SNRNP27: variants seen among roughly 807,000 people sequenced by gnomAD.
SNRNP27 encodes the protein small nuclear ribonucleoprotein U4/U6.U5 subunit 27.
A neutral mutation model predicts 25.1 loss-of-function variants in SNRNP27; 22 were observed. The ratio of observed to expected loss-of-function variants is 0.88; its 90% CI spans 0.63 to 1.25. SNRNP27 has a LOEUF of 1.25. Ranked by LOEUF, SNRNP27 falls within the 50% of genes most tolerant of loss-of-function variation. SNRNP27 has a pLI of 0.00. For missense variants in SNRNP27, 150 were observed against 202.3 expected (o/e 0.74, Z 1.57); for synonymous variants, 66 against 64.9 (o/e 1.02, Z -0.08).
At chr2:69,894,777 G>A (rs6714919) in intron 1 of SNRNP27, among the ~76,000 whole-genome samples, 46,909 of 151,900 alleles carry the variant, frequency 0.31, 7,946 homozygotes, top group African/African-American at 0.45. Flanking sequence ...CACCTCCTGG[G>A]TTCAAGCGAT....
intron 4 of SNRNP27, among the ~76,000 whole-genome samples, chr2:69,901,884 G>T (rs1432800945): frequency 6.6e-6 from 1 of 152,126 alleles, no homozygotes; most frequent in Non-Finnish European, 1.5e-5. Flanking sequence ...GGATTTAGAT[G>T]AATGGCAACC....
Position 69,895,101 on chromosome 2 carries a change from G to A in SNRNP27, c.42G>A (p.Arg14=). The change falls in exon 2 of 6, where the codon AGG becomes AGA. Residue 14 remains arginine, a synonymous_variant. Coordinates refer to ENST00000244227, the MANE Select transcript of SNRNP27 (RefSeq NM_006857.3). ...TGTGTGCGTTTGCATTAGAACGTAG[G>A]CGTTCCCGGTCCACATCCCGGGAGA... ...SRSRSPRRER[R]RSRSTSRERE... 1 of 1,613,136 alleles carries A rather than the reference G, an allele frequency of 6.2e-7. No homozygotes were observed. Among genetic ancestry groups the A allele is most frequent in the Non-Finnish European group, 8.5e-7 (1 of 1,179,864 alleles).
At chr2:69,895,049 T>G in intron 1 of SNRNP27, 45 bp from the exon 2 acceptor site, 1 of 1,608,468 alleles carries the variant, frequency 6.2e-7, no homozygotes, top group South Asian at 1.1e-5. Context: ...GCTCTAGATA[T>G]TTGAGGTAAT....
intron 4 of SNRNP27, among the ~76,000 whole-genome samples, chr2:69,902,356 G>A (rs545722111): frequency 1.3e-5 from 2 of 150,072 alleles, no homozygotes; most frequent in African/African-American, 2.5e-5. Context: ...TGCTCTTGCT[G>A]CTGCTTCTGT....
In SNRNP27 at chr2:69,899,824, G is replaced by T. The variant is rs893476226; in HGVS notation, c.348+2368G>T. ...GGCTCACTGCAGCCTGACCTCCTGGGCTGAAGCAATTTCCCTGCCTTAGCC... is the reference window on the plus strand; with the variant it reads ...GGCTCACTGCAGCCTGACCTCCTGGTCTGAAGCAATTTCCCTGCCTTAGCC... On this transcript the variant is annotated intron_variant, in intron 4 of 5. Coordinates refer to ENST00000244227, the MANE Select transcript of SNRNP27 (RefSeq NM_006857.3). Among the ~76,000 whole-genome samples the T allele has an allele frequency of 3.9e-5, 6 of 152,152 alleles. No individual in the cohort carries two copies. The East Asian group carries it at 1.2e-3, about 29-fold the overall frequency.
intron 2 of SNRNP27, among the ~76,000 whole-genome samples, 162 bp from the exon 3 acceptor site, chr2:69,896,274 A>C (rs1558560867): frequency 6.6e-6 from 1 of 152,218 alleles, no homozygotes. Context: ...TACATTAAAA[A>C]ATTTTTTTGT....
rs1210328513 is a variant in SNRNP27, at chr2:69,895,082, C to T, written c.35-12C>T. The T allele has an allele frequency of 1.9e-6, 3 of 1,611,722 alleles. No individual in the cohort carries two copies. The highest frequency in any genetic ancestry group is 1.1e-5 in the South Asian group (1 of 90,902). ...AATTATCAGTTCTGCAATTTGTGTG[C>T]GTTTGCATTAGAACGTAGGCGTTCC... On this transcript the variant is annotated splice_polypyrimidine_tract_variant and intron_variant, in intron 1 of 5. Coordinates refer to ENST00000244227, the MANE Select transcript of SNRNP27 (RefSeq NM_006857.3).
intron 4 of SNRNP27, among the ~76,000 whole-genome samples, chr2:69,900,097 G>A (rs6716937): frequency 0.54 from 81,493 of 151,848 alleles, 23,932 homozygotes; most frequent in African/African-American, 0.79. Context: ...AGCTGGGACT[G>A]TAGCCTCACA....
At position 69,904,275 on chromosome 2, in the gene SNRNP27, T is replaced by C. The variant is rs1190192504; in HGVS notation, c.435T>C (p.Gly145=). Residue 145 remains glycine (G), a synonymous_variant, in exon 6 of 6, where the codon GGT becomes GGC. Transcript: ENST00000244227. The stretch of plus-strand genomic sequence containing the variant: ...ATAGGCAGTACATGAATCGAAAAGG[T>C]GGATTCAACAGACCTTTGGATTTCA... The part of the protein sequence containing the change: ...RKYRQYMNRK[G]GFNRPLDFIA 5 of 1,608,302 alleles carry C rather than the reference T, an allele frequency of 3.1e-6. No homozygotes were observed. Among genetic ancestry groups the C allele is most frequent in the Non-Finnish European group, 4.2e-6 (5 of 1,178,146 alleles).
At chr2:69,896,303 C>T in intron 2 of SNRNP27, 133 bp from the exon 3 acceptor site, 1 of 811,536 alleles carries the variant, frequency 1.2e-6, no homozygotes, top group East Asian at 2.5e-5. Flanking sequence ...AAGGCCTTGG[C>T]AGAACCTTTT....
chr2:69,894,831 G>T (rs1249248531), intron 1 of SNRNP27, among the ~76,000 whole-genome samples: 1 of 152,064 alleles, frequency 6.6e-6, no homozygotes, highest in Non-Finnish European at 1.5e-5. Context: ...ACCCGTCCGT[G>T]CCACCACGCC....
chr2:69,904,129 G>A, intron 5 of SNRNP27, 125 bp from the exon 6 acceptor site: 1 of 573,188 alleles, frequency 1.7e-6, no homozygotes, highest in East Asian at 3.1e-5. Flanking sequence ...ACCTTGAATA[G>A]TTTCTACCCT....
rs111402734 is a variant in SNRNP27 at position 69,897,714 on chromosome 2, G to A, written c.348+258G>A. On this transcript the variant is annotated intron_variant, in intron 4 of 5. Transcript: ENST00000244227. ...AAGAAGAGGAAGAAGATTATTTCAG[G>A]TAGAGGGAAGAGCTCATGAAAATGC... The A allele has an allele frequency of 6.6e-3, 2,565 of 387,020 alleles. 109 individuals are homozygous for A. The South Asian group carries it at 0.069, about 10-fold the overall frequency. 24.0% of individuals were successfully genotyped at this position (387,020 alleles called of 1,614,324 possible).
chr2:69,899,057 G>A (rs1470788131), intron 4 of SNRNP27, among the ~76,000 whole-genome samples: 1 of 152,148 alleles, frequency 6.6e-6, no homozygotes, highest in Non-Finnish European at 1.5e-5. Context: ...CTGGATGTTA[G>A]GTTTAAAGTT....
At chr2:69,897,919 A>AGGGGATGGAGAGAG (rs139107642) in intron 4 of SNRNP27, among the ~76,000 whole-genome samples, 1 of 103,734 alleles carries the variant, frequency 9.6e-6, no homozygotes, top group Non-Finnish European at 1.8e-5. Flanking sequence ...TGTTGAGGAG[A>AGGGGATGGAGAGAG]GGAAGTAGTG....
intron 4 of SNRNP27, among the ~76,000 whole-genome samples, chr2:69,899,145 A>G (rs1490736625): frequency 6.6e-6 from 1 of 152,212 alleles, no homozygotes; most frequent in African/African-American, 2.4e-5. Flanking sequence ...TTATAAAGGA[A>G]AACTTAGGTG....
Position 69,893,982 on chromosome 2 carries a change from C to A in SNRNP27, c.-3C>A. ...CAGTTGTTTCCGGGAAGCGGGACTC[C>A]AAATGGGTCGCAGTCGCAGCCGCTC... On this transcript the variant is annotated 5_prime_UTR_variant, in exon 1 of 6. Coordinates refer to ENST00000244227, the MANE Select transcript of SNRNP27 (RefSeq NM_006857.3). 1 of 1,614,064 alleles carries A rather than the reference C, an allele frequency of 6.2e-7. No homozygotes were observed. Among genetic ancestry groups the A allele is most frequent in the East Asian group, 2.2e-5 (1 of 44,874 alleles).
chr2:69,897,037 A>G (rs541733982), intron 3 of SNRNP27, among the ~76,000 whole-genome samples: 15 of 152,266 alleles, frequency 9.9e-5, no homozygotes. Context: ...CTGATATAGA[A>G]CGATAGTTAA....
chr2:69,901,983 A>G (rs1387361475), intron 4 of SNRNP27, among the ~76,000 whole-genome samples: 1 of 152,214 alleles, frequency 6.6e-6, no homozygotes, highest in African/African-American at 2.4e-5. Context: ...TATACCTTTT[A>G]TCTGGTTTCA....
Sources: allele counts gnomAD v4.1 joint callset (sites outside exome capture counted in the v4.1 genomes callset), GRCh38; gene constraint gnomAD v4.1.1; transcripts MANE v1.5; gene names NCBI Gene and HGNC (gene_info 2026-07-23, HGNC 2026-07-21).